The following CD163L1 variants were observed in gnomAD, a reference collection of about 807,000 sequenced individuals.
CD163L1 encodes CD163 molecule like 1, also known as scavenger receptor cysteine-rich type 1 protein M160.
In CD163L1, 124 loss-of-function variants were observed where a neutral mutation model predicts 165.4. That is an observed-to-expected ratio of 0.75 (90% CI 0.65 to 0.87). The LOEUF (loss-of-function observed/expected upper bound fraction) is 0.87, where lower values mean the gene tolerates loss of function less well. Among genes scored for constraint, CD163L1 ranks in the 40% least tolerant of loss-of-function variants. The pLI is 0.00. For missense variants in CD163L1, 1,525 were observed against 1,799.9 expected (o/e 0.85, Z 2.76); for synonymous variants, 585 against 662.2 (o/e 0.88, Z 1.79).
At position 7,388,150 on chromosome 12, in the gene CD163L1, C is replaced by G. The variant is rs753427665; in HGVS notation, c.2050+7945G>C. On this transcript the variant is annotated intron_variant, in intron 8 of 19. Coordinates refer to ENST00000313599, the MANE Select transcript of CD163L1 (RefSeq NM_174941.6). Reference sequence around the variant, plus strand: ...AAATGGATTAAATACTTAAATGTAACACATCAACCTATAAAACTACTAGAA... The same window carrying G: ...AAATGGATTAAATACTTAAATGTAAGACATCAACCTATAAAACTACTAGAA... Among the ~76,000 whole-genome samples the G allele has an allele frequency of 3.3e-5, 5 of 152,250 alleles. No homozygotes were observed. The South Asian group carries it at 1.0e-3, about 32-fold the overall frequency.
intron 4 of CD163L1, among the ~76,000 whole-genome samples, chr12:7,431,123 AAAG>A (rs1408648708): frequency 2.6e-5 from 4 of 152,166 alleles, no homozygotes; most frequent in Non-Finnish European, 5.9e-5. Context: ...GAAATGGTGA[AAAG>A]AAGCCGCATT....
chr12:7,350,440 C>A (rs1946699224), downstream of CD163L1, among the ~76,000 whole-genome samples: 1 of 152,276 alleles, frequency 6.6e-6, no homozygotes, highest in Non-Finnish European at 1.5e-5. Context: ...CCAGTTCTTA[C>A]AGTTACGTGG....
In CD163L1 at chr12:7,375,951, T is replaced by C. The variant is rs1328788653; in HGVS notation, c.2435A>G (p.His812Arg). 1.2e-6 allele frequency: 2 copies of C among 1,614,136 alleles called. No homozygotes were observed. The highest frequency in any genetic ancestry group is 1.7e-5 in the Admixed American group (1 of 60,014). ...MPCSGRVEVK[H>R]ADTWRSVCDS... ...ACAGACAGAGCGCCATGTGTCTGCATGTTTCACTTCAACACGTCCAGAGCA... is the reference window on the plus strand; with the variant it reads ...ACAGACAGAGCGCCATGTGTCTGCACGTTTCACTTCAACACGTCCAGAGCA... The change falls in exon 10 of 20, where the codon CAT (histidine) becomes CGT (arginine). Residue 812 changes from histidine to arginine, a missense_variant. His to Arg is a conservative substitution (Grantham distance 29). Coordinates refer to ENST00000313599, the MANE Select transcript of CD163L1 (RefSeq NM_174941.6).
Position 7,373,314 on chromosome 12 carries a change from A to G in CD163L1, c.3730+6T>C. ...AGTGACAGCTGGTGTTTAGAAAGATACCCACCTTCACATGTGATCCAGGTC... is the reference window on the plus strand; with the variant it reads ...AGTGACAGCTGGTGTTTAGAAAGATGCCCACCTTCACATGTGATCCAGGTC... On this transcript the variant is annotated splice_donor_region_variant and intron_variant, in intron 14 of 19. Transcript: ENST00000313599. The G allele has an allele frequency of 6.3e-7, 1 of 1,593,484 alleles. No homozygotes were observed. The highest frequency in any genetic ancestry group is 2.2e-5 in the East Asian group (1 of 44,590).
rs752380265 is a variant in CD163L1, at chr12:7,368,214, C to T, written c.4073-17G>A. On this transcript the variant is annotated splice_polypyrimidine_tract_variant and intron_variant, in intron 16 of 19. Coordinates refer to ENST00000313599, the MANE Select transcript of CD163L1 (RefSeq NM_174941.6). This position sits in a 1 kb window ranked among gnomAD's most constrained non-coding sequence, Gnocchi z 4.3. ...CTAAATGACCTGTATAGAAATTAAG[C>T]ATTGATAAGTATTAAACTAGTAGAT... is the stretch of plus-strand genomic sequence containing the variant. 4 of 1,398,776 alleles carry T rather than the reference C, an allele frequency of 2.9e-6. No homozygotes were observed. In the African/African-American group the frequency reaches 4.3e-5, roughly 15 times the overall value. The allele number at this position is 1,398,776 out of a possible 1,614,324, so 86.6% of individuals were successfully genotyped here. A position where few individuals can be genotyped will look rare whatever the true frequency, so the allele number is the denominator to read the frequency against.
At chr12:7,331,314 C>A in the CD163L1 span, among the ~76,000 whole-genome samples, 51 of 152,258 alleles carry the variant, frequency 3.3e-4, 1 homozygote, top group Non-Finnish European at 1.2e-4. Context: ...GAGCCCACCA[C>A]AGCTCCAGGA....
At chr12:7,390,596 T>C (rs1321485686) in intron 8 of CD163L1, among the ~76,000 whole-genome samples, 1 of 152,074 alleles carries the variant, frequency 6.6e-6, no homozygotes, top group Admixed American at 6.6e-5. Context: ...TGAAGAAAGA[T>C]TGTGATAATT....
At chr12:7,336,976 T>C in the CD163L1 span, among the ~76,000 whole-genome samples, 103 of 152,146 alleles carry the variant, frequency 6.8e-4, no homozygotes, top group South Asian at 1.9e-3. Context: ...AACAGATACA[T>C]AGACCAATGG....
At position 7,421,450 on chromosome 12, in the gene CD163L1, T is replaced by TATGTATATATATACATATATATAC. The variant is rs1948393880; in HGVS notation, c.766+10965_766+10966insGTATATATATGTATATATATACAT. Among the ~76,000 whole-genome samples, 11 of 114,470 alleles carry TATGTATATATATACATATATATAC rather than the reference T, an allele frequency of 9.6e-5. 2 individuals carry two copies. Among genetic ancestry groups the TATGTATATATATACATATATATAC allele is most frequent in the South Asian group, 5.7e-4 (2 of 3,538 alleles). The allele number at this position is 114,470 out of a possible 152,430, so 75.1% of individuals were successfully genotyped here. A position where few individuals can be genotyped will look rare whatever the true frequency, so the allele number is the denominator to read the frequency against. On this transcript the variant is annotated intron_variant, in intron 4 of 19. Coordinates refer to ENST00000313599, the MANE Select transcript of CD163L1 (RefSeq NM_174941.6). The stretch of plus-strand genomic sequence containing the variant: ...ATATGTACATATATACATATACATA[T>TATGTATATATATACATATATATAC]ATGTACATATATACATATATATACA...
chr12:7,434,645 A>G (rs2136638050), intron 2 of CD163L1, among the ~76,000 whole-genome samples: 1 of 152,160 alleles, frequency 6.6e-6, no homozygotes, highest in East Asian at 1.9e-4. Context: ...AAGAGAAGCA[A>G]TAAGGAGGAA....
downstream of CD163L1, among the ~76,000 whole-genome samples, chr12:7,352,984 G>A (rs185018655): frequency 7.9e-5 from 12 of 152,182 alleles, no homozygotes; most frequent in African/African-American, 2.9e-4. Context: ...CTAGCTCTGA[G>A]GAGGTCCAGG....
chr12:7,435,101 CAG>C (rs1218791286), intron 2 of CD163L1, among the ~76,000 whole-genome samples: 1 of 150,656 alleles, frequency 6.6e-6, no homozygotes, highest in Non-Finnish European at 1.5e-5. Context: ...CACACACACA[CAG>C]AGATATATTC....
the CD163L1 span, among the ~76,000 whole-genome samples, chr12:7,327,460 T>G: frequency 1.1e-4 from 16 of 152,166 alleles, no homozygotes; most frequent in Non-Finnish European, 1.9e-4. Flanking sequence ...CCCTATAAAT[T>G]CAAAGTACAT....
chr12:7,349,577 G>A (rs1434254225), intron 4 of CD163L1, among the ~76,000 whole-genome samples: 1 of 152,166 alleles, frequency 6.6e-6, no homozygotes. Flanking sequence ...GTGGGAGAAT[G>A]AAAAGATGTA....
chr12:7,421,489 A>ATGCATATATG (rs1555202384), intron 4 of CD163L1, among the ~76,000 whole-genome samples: 1 of 113,624 alleles, frequency 8.8e-6, no homozygotes, highest in African/African-American at 4.3e-5. Context: ...ATGTACATAT[A>ATGCATATATG]TACATATATG....
intron 18 of CD163L1, among the ~76,000 whole-genome samples, chr12:7,359,991 A>G (rs1946858209): frequency 6.6e-6 from 1 of 152,032 alleles, no homozygotes; most frequent in African/African-American, 2.4e-5. Context: ...CTGGGAATGT[A>G]TATATTTAGT....
the CD163L1 span, chr12:7,324,203 C>A: frequency 6.4e-7 from 1 of 1,559,508 alleles, no homozygotes; most frequent in Non-Finnish European, 8.7e-7. Context: ...ATGTACTAGT[C>A]ACTTAATGAG....
At chr12:7,435,101 C>G (rs78070492) in intron 2 of CD163L1, among the ~76,000 whole-genome samples, 16 of 150,766 alleles carry the variant, frequency 1.1e-4, no homozygotes, top group Admixed American at 4.7e-4. Flanking sequence ...CACACACACA[C>G]AGAGATATAT....
chr12:7,438,444 G>A (rs1275107963), intron 2 of CD163L1, among the ~76,000 whole-genome samples: 1 of 152,068 alleles, frequency 6.6e-6, no homozygotes, highest in African/African-American at 2.4e-5. Flanking sequence ...AGACAACAGG[G>A]GAAATGACCA....
Sources: allele counts gnomAD v4.1 joint callset (sites outside exome capture counted in the v4.1 genomes callset), GRCh38; gene constraint gnomAD v4.1.1; non-coding constraint Gnocchi (gnomAD v3.1); transcripts MANE v1.5; gene names NCBI Gene and HGNC (gene_info 2026-07-23, HGNC 2026-07-21).